Variants in FAM72B observed in about 807,000 individuals in gnomAD.
FAM72B encodes the protein protein FAM72B.
Under a neutral mutation model 12.6 loss-of-function variants are expected in FAM72B, and 4 were observed. That is an observed-to-expected ratio of 0.32 (90% CI 0.16 to 0.73). The LOEUF (loss-of-function observed/expected upper bound fraction) is 0.73, where lower values mean the gene tolerates loss of function less well. FAM72B is among the 30% of genes least tolerant of loss of function. The pLI, the probability that FAM72B is intolerant of heterozygous loss-of-function variation, is 0.67. For synonymous variants in FAM72B, 13 were observed against 53.9 expected (o/e 0.24, Z 3.32); for missense variants, 61 against 158.4 (o/e 0.39, Z 3.30).
chr1:121,179,601 GT>G (rs1284588620), intron 2 of FAM72B, among the ~76,000 whole-genome samples: 14 of 152,190 alleles, frequency 9.2e-5, no homozygotes, highest in Admixed American at 9.2e-4. Flanking sequence ...GCCAAGGCAG[GT>G]GGTCTGCCTG....
At chr1:121,178,671 G>A (rs1553317147) in intron 2 of FAM72B, among the ~76,000 whole-genome samples, 1 of 151,256 alleles carries the variant, frequency 6.6e-6, no homozygotes, top group Non-Finnish European at 1.5e-5. Context: ...TATCTTTCAG[G>A]CACTGCTCTA....
chr1:121,173,094 A>T (rs587747048), intron 3 of FAM72B, among the ~76,000 whole-genome samples: 134 of 151,208 alleles, frequency 8.9e-4, no homozygotes, highest in Non-Finnish European at 1.8e-3. Context: ...AAAAAAAAAG[A>T]ATTAGTATTT....
At chr1:121,180,644 G>C (rs1262195642) in intron 2 of FAM72B, among the ~76,000 whole-genome samples, 6 of 151,870 alleles carry the variant, frequency 4.0e-5, no homozygotes, top group Non-Finnish European at 7.4e-5. Context: ...AGGATCACTT[G>C]AGGCCAGGAG....
At chr1:121,169,999 C>T (rs1473817421) in intron 3 of FAM72B, among the ~76,000 whole-genome samples, 1 of 151,864 alleles carries the variant, frequency 6.6e-6, no homozygotes, top group Non-Finnish European at 1.5e-5. Flanking sequence ...GAGTCGGAGT[C>T]TCGCTCTATT....
intron 3 of FAM72B, 73 bp from the exon 4 acceptor site, chr1:121,168,908 T>A: frequency 2.5e-6 from 2 of 788,868 alleles, no homozygotes; most frequent in Non-Finnish European, 4.1e-6. Context: ...TACGAAACTT[T>A]ATATGTTAAT....
intron 2 of FAM72B, among the ~76,000 whole-genome samples, chr1:121,178,603 ATATT>A (rs1654263040): frequency 7.5e-6 from 1 of 133,052 alleles, no homozygotes; most frequent in Admixed American, 7.8e-5. Flanking sequence ...ATTACCGCCT[ATATT>A]CATTCATTCA....
intron 3 of FAM72B, among the ~76,000 whole-genome samples, chr1:121,170,217 T>A (rs1303303283): frequency 6.9e-6 from 1 of 145,330 alleles, no homozygotes; most frequent in Non-Finnish European, 1.5e-5. Context: ...GTGATCCCCC[T>A]CGCCTCGGCC....
At position 121,174,614 on chromosome 1, in the gene FAM72B, G is replaced by A. The variant is rs1454223355; in HGVS notation, c.355+2594C>T. Among the ~76,000 whole-genome samples, 40 of 150,622 alleles carry A rather than the reference G, an allele frequency of 2.7e-4. 1 individual carries two copies. Among genetic ancestry groups the A allele is most frequent in the African/African-American group, 8.8e-4 (36 of 41,006 alleles). ...ACTCCCAACCTCAGGTGATCTGCCCGCCTTGGCCTCCCAAACTGCTGGGAT... is the reference window on the plus strand; with the variant it reads ...ACTCCCAACCTCAGGTGATCTGCCCACCTTGGCCTCCCAAACTGCTGGGAT... On this transcript the variant is annotated intron_variant, in intron 3 of 3. Transcript: ENST00000369390.
At chr1:121,175,278 C>T (rs1458113904) in intron 3 of FAM72B, among the ~76,000 whole-genome samples, 6 of 152,170 alleles carry the variant, frequency 3.9e-5, no homozygotes, top group Admixed American at 3.9e-4. Context: ...TCAGAAAAAT[C>T]CCTTTGAAAA....
At chr1:121,171,466 C>T (rs1477317474) in intron 3 of FAM72B, among the ~76,000 whole-genome samples, 1 of 143,938 alleles carries the variant, frequency 6.9e-6, no homozygotes, top group Non-Finnish European at 1.5e-5. Context: ...AGAAGCAGCA[C>T]CTTCCTTTCT....
chr1:121,179,648 T>A (rs1457423742), intron 2 of FAM72B, among the ~76,000 whole-genome samples: 2 of 151,300 alleles, frequency 1.3e-5, no homozygotes, highest in Non-Finnish European at 2.9e-5. Context: ...GGCAACACGG[T>A]GAAACCCTGT....
chr1:121,179,654 C>G (rs1223797023), intron 2 of FAM72B, among the ~76,000 whole-genome samples: 1 of 151,202 alleles, frequency 6.6e-6, no homozygotes, highest in Non-Finnish European at 1.5e-5. Flanking sequence ...ACGGTGAAAC[C>G]CTGTCTCTAC....
At chr1:121,179,556 G>A (rs1477843803) in intron 2 of FAM72B, among the ~76,000 whole-genome samples, 14 of 152,108 alleles carry the variant, frequency 9.2e-5, no homozygotes, top group African/African-American at 2.2e-4. Flanking sequence ...GGCTGGGTGC[G>A]GTGGCTCACG....
intron 1 of FAM72B, among the ~76,000 whole-genome samples, chr1:121,182,157 A>T (rs1290012598): frequency 3.9e-5 from 6 of 152,136 alleles, no homozygotes; most frequent in African/African-American, 1.4e-4. Flanking sequence ...TTTATTTTCT[A>T]GTGTTTTCCC....
chr1:121,179,702 C>T (rs1423200312), intron 2 of FAM72B, among the ~76,000 whole-genome samples: 2 of 146,900 alleles, frequency 1.4e-5, no homozygotes, highest in African/African-American at 5.0e-5. Flanking sequence ...GTGGTGCGTG[C>T]CTGTAGTCTC....
intron 2 of FAM72B, among the ~76,000 whole-genome samples, chr1:121,180,899 A>G (rs1654319378): frequency 6.6e-6 from 1 of 152,190 alleles, no homozygotes. Context: ...TAAATAAGAA[A>G]ACAGAGGTTC....
At chr1:121,174,314 G>A (rs1570680405) in intron 3 of FAM72B, among the ~76,000 whole-genome samples, 2 of 152,040 alleles carry the variant, frequency 1.3e-5, no homozygotes, top group South Asian at 2.1e-4. Flanking sequence ...AGAAAATCTA[G>A]CTAAGATTAT....
chr1:121,175,155 C>T (rs1389099337), intron 3 of FAM72B, among the ~76,000 whole-genome samples: 1 of 152,066 alleles, frequency 6.6e-6, no homozygotes, highest in African/African-American at 2.4e-5. Flanking sequence ...AGGAATTATG[C>T]CAAATATACT....
intron 3 of FAM72B, among the ~76,000 whole-genome samples, chr1:121,170,186 G>A (rs1553316023): frequency 6.7e-6 from 1 of 149,388 alleles, no homozygotes; most frequent in African/African-American, 2.5e-5. Flanking sequence ...GGTCAGGGTG[G>A]TCTTGAACTC....
Sources: allele counts gnomAD v4.1 joint callset (sites outside exome capture counted in the v4.1 genomes callset), GRCh38; gene constraint gnomAD v4.1.1; transcripts MANE v1.5; gene names NCBI Gene and HGNC (gene_info 2026-07-23, HGNC 2026-07-21).